Variants in VAV1 observed in about 807,000 individuals in gnomAD.
VAV1 encodes the protein vav guanine nucleotide exchange factor 1, also known as proto-oncogene vav.
VAV1 carries 33 observed loss-of-function variants against 128.1 expected under a neutral mutation model. That is an observed-to-expected ratio of 0.26 (90% confidence interval 0.20 to 0.34). VAV1 has a LOEUF of 0.34. Among genes scored for constraint, VAV1 ranks in the 10% least tolerant of loss-of-function variants. The pLI is 1.00. For missense variants in VAV1, 715 were observed against 1,093.7 expected (o/e 0.65, Z 4.88); for synonymous variants, 394 against 409.8 (o/e 0.96, Z 0.47).
chr19:6,850,839 T>C, intron 24 of VAV1, 82 bp downstream of exon 24: 1 of 1,444,260 alleles, frequency 6.9e-7, no homozygotes. Context: ...GACCCCCTTT[T>C]CCCACATTCA....
intron 1 of VAV1, among the ~76,000 whole-genome samples, chr19:6,814,674 T>TTCTCTCTCTCTCTCTCTCTCTCTCTC (rs1971592836): frequency 1.1e-5 from 1 of 95,184 alleles, no homozygotes; most frequent in African/African-American, 5.5e-5. Flanking sequence ...CTTCCTTCCT[T>TTCTCTCTCTCTCTCTCTCTCTCTCTC]TCTTTCTTTC....
chr19:6,837,132 C>A (rs1034585777), intron 21 of VAV1, 82 bp downstream of exon 21: 1 of 1,459,830 alleles, frequency 6.9e-7, no homozygotes, highest in Non-Finnish European at 9.6e-7. Flanking sequence ...GGAAAGACAC[C>A]CCCGGAGTTG....
chr19:6,798,909 C>G (rs1555699557), intron 1 of VAV1, among the ~76,000 whole-genome samples: 1 of 150,984 alleles, frequency 6.6e-6, no homozygotes, highest in Non-Finnish European at 1.5e-5. Flanking sequence ...CATCCCACCC[C>G]TCCCTGCCTC....
At chr19:6,819,230 T>C (rs1253267578) in intron 1 of VAV1, among the ~76,000 whole-genome samples, 2 of 152,230 alleles carry the variant, frequency 1.3e-5, no homozygotes, top group African/African-American at 4.8e-5. Flanking sequence ...AAACACTCTT[T>C]TCATAAAATC....
At chr19:6,854,814 C>T (rs1232761105) in intron 26 of VAV1, among the ~76,000 whole-genome samples, 2 of 152,206 alleles carry the variant, frequency 1.3e-5, no homozygotes, top group Non-Finnish European at 2.9e-5. Context: ...ATCAGGATGA[C>T]TTCTGAAAGG....
intron 22 of VAV1, 110 bp downstream of exon 22, chr19:6,843,276 G>T: frequency 8.0e-7 from 1 of 1,254,620 alleles, no homozygotes; most frequent in Non-Finnish European, 1.2e-6. Flanking sequence ...TGTGATCCCT[G>T]AGCACCGACT....
chr19:6,831,895 C>T (rs1229798532), intron 14 of VAV1, among the ~76,000 whole-genome samples, 196 bp from the exon 15 acceptor site: 1 of 151,480 alleles, frequency 6.6e-6, no homozygotes, highest in African/African-American at 2.4e-5. Context: ...TGCACGCCTG[C>T]GTATGTGGTT....
At chr19:6,843,504 C>T (rs970185612) in intron 22 of VAV1, among the ~76,000 whole-genome samples, 6 of 152,066 alleles carry the variant, frequency 3.9e-5, no homozygotes, top group Admixed American at 6.6e-5. Context: ...TTGTTTTGCA[C>T]CTATAGCATG....
chr19:6,808,521 T>C (rs1330515363), intron 1 of VAV1, among the ~76,000 whole-genome samples: 1 of 152,212 alleles, frequency 6.6e-6, no homozygotes, highest in African/African-American at 2.4e-5. Flanking sequence ...AAGGCTGGCA[T>C]GGTCCTTTCT....
At chr19:6,789,260 C>CTTTTTTTTTT (rs771682522) in intron 1 of VAV1, among the ~76,000 whole-genome samples, 1 of 144,936 alleles carries the variant, frequency 6.9e-6, no homozygotes, top group African/African-American at 2.5e-5. Flanking sequence ...CTCCTTTCTT[C>CTTTTTTTTTT]TTTTTTTTTT....
At chr19:6,836,856 ACACACACACACACACACACAC>A in intron 20 of VAV1, 108 bp from the exon 21 acceptor site, 2 of 166,996 alleles carry the variant, frequency 1.2e-5, no homozygotes, top group Non-Finnish European at 2.6e-5. Context: ...ACACACACAC[ACACACACACACACACACACAC>A]ACGAGTGATG....
chr19:6,818,894 TC>T (rs1041987215), intron 1 of VAV1, among the ~76,000 whole-genome samples: 1 of 152,064 alleles, frequency 6.6e-6, no homozygotes, highest in African/African-American at 2.4e-5. Flanking sequence ...GGCGGGTGGA[TC>T]ACCTGAGGTC....
intron 1 of VAV1, among the ~76,000 whole-genome samples, chr19:6,802,802 G>A (rs1173949252): frequency 2.0e-5 from 3 of 152,102 alleles, no homozygotes; most frequent in Non-Finnish European, 2.9e-5. Flanking sequence ...TGTGTGGTCC[G>A]GGATGGGCAG....
intron 1 of VAV1, among the ~76,000 whole-genome samples, chr19:6,809,155 A>T (rs1206857022): frequency 6.7e-6 from 1 of 149,892 alleles, no homozygotes; most frequent in Non-Finnish European, 1.5e-5. Flanking sequence ...ATCTTAGCTC[A>T]CTGCAACCTC....
intron 25 of VAV1, among the ~76,000 whole-genome samples, chr19:6,853,582 T>C (rs1568321029): frequency 6.6e-6 from 1 of 150,444 alleles, no homozygotes; most frequent in Admixed American, 6.6e-5. Flanking sequence ...AACATAAAAA[T>C]CAGCCGGGCA....
At position 6,826,202 on chromosome 19, in the gene VAV1, G is replaced by A. The variant is rs532565104; in HGVS notation, c.828-410G>A. The stretch of plus-strand genomic sequence containing the variant: ...AAAATACAAAAATTAGCCAGGCATG[G>A]TGGCAGGTGTCTGTAATCCCAGCTA... On this transcript the variant is annotated intron_variant, in intron 8 of 26. Coordinates refer to ENST00000602142, the MANE Select transcript of VAV1 (RefSeq NM_005428.4). This position sits in a 1 kb window ranked among gnomAD's most constrained non-coding sequence, Gnocchi z 4.1. Among the ~76,000 whole-genome samples the A allele has an allele frequency of 7.2e-5, 11 of 152,028 alleles. No individual in the cohort carries two copies. The highest frequency in any genetic ancestry group is 2.7e-4 in the African/African-American group (11 of 41,474).
At chr19:6,830,918 G>A (rs534946800) in intron 14 of VAV1, among the ~76,000 whole-genome samples, 47 of 152,062 alleles carry the variant, frequency 3.1e-4, no homozygotes, top group Admixed American at 3.9e-4. Flanking sequence ...GGAGATCCCC[G>A]TCTCTACAAA....
rs557917798 is a variant in VAV1, at chr19:6,854,172, A to C, written c.2484+74A>C. The C allele has an allele frequency of 3.2e-6, 5 of 1,561,448 alleles. No homozygotes were observed. The Admixed American group carries it at 5.2e-5, about 16-fold the overall frequency. On this transcript the variant is annotated intron_variant, in intron 26 of 26. Transcript: ENST00000602142. The stretch of plus-strand genomic sequence containing the variant: ...GTGGTGGACGAGACTGGAACTGGGG[A>C]CTGGAGAAGGTGAGGTGCGGCTCCC...
chr19:6,785,029 C>T (rs894813782), intron 1 of VAV1, among the ~76,000 whole-genome samples: 1 of 152,348 alleles, frequency 6.6e-6, no homozygotes, highest in Admixed American at 6.5e-5. Context: ...ACCCATTGCT[C>T]TCTGCACCGC....
Sources: allele counts gnomAD v4.1 joint callset (sites outside exome capture counted in the v4.1 genomes callset), GRCh38; gene constraint gnomAD v4.1.1; non-coding constraint Gnocchi (gnomAD v3.1); transcripts MANE v1.5; gene names NCBI Gene and HGNC (gene_info 2026-07-23, HGNC 2026-07-21).